Variants in CCT3 observed in about 807,000 individuals in gnomAD.
The protein encoded by CCT3 is chaperonin containing TCP1 subunit 3.
CCT3 carries 10 observed loss-of-function variants against 65.3 expected under a neutral mutation model. The ratio of observed to expected loss-of-function variants is 0.15; its 90% confidence interval spans 0.09 to 0.26. The LOEUF (loss-of-function observed/expected upper bound fraction) is 0.26. Ranked by LOEUF, CCT3 falls within the 10% of genes least tolerant of loss-of-function variation. The pLI is 1.00. For synonymous variants in CCT3, 225 were observed against 242.3 expected (o/e 0.93, Z 0.66); for missense variants, 626 against 708.7 (o/e 0.88, Z 1.33).
chr1:156,330,414 C>G (rs1436220230), intron 5 of CCT3, among the ~76,000 whole-genome samples: 7 of 152,182 alleles, frequency 4.6e-5, no homozygotes, highest in Non-Finnish European at 7.3e-5. Context: ...GTAATCCCAG[C>G]ACTTTGGGAG....
rs995096055 is a variant in CCT3, at chr1:156,310,861, G to T, written c.1401+89C>A. On this transcript the variant is annotated intron_variant, in intron 12 of 13. Coordinates refer to ENST00000295688, the MANE Select transcript of CCT3 (RefSeq NM_005998.5). ...GATTTCAAGGAATAGACTATAAAGAGAATTTGGATAGCCAGATAAGAATCT... is the reference window on the plus strand; with the variant it reads ...GATTTCAAGGAATAGACTATAAAGATAATTTGGATAGCCAGATAAGAATCT... 3.3e-6 allele frequency: 5 copies of T among 1,512,322 alleles called. No individual in the cohort carries two copies. In the African/African-American group the frequency reaches 5.6e-5, roughly 17 times the overall value. The allele number at this position is 1,512,322 out of a possible 1,614,324, so 93.7% of individuals were successfully genotyped here.
At chr1:156,321,344 G>C (rs551688866) in intron 6 of CCT3, among the ~76,000 whole-genome samples, 93 of 152,136 alleles carry the variant, frequency 6.1e-4, no homozygotes, top group Non-Finnish European at 8.7e-4. Context: ...TACAACTCAG[G>C]TCAAGACACA....
chr1:156,335,599 A>G (rs867556720), intron 2 of CCT3: 3 of 488,342 alleles, frequency 6.1e-6, no homozygotes, highest in Non-Finnish European at 7.2e-6. Flanking sequence ...AATACACAGC[A>G]ACAGAATAAT....
At position 156,338,226 on chromosome 1, in the gene CCT3, C is replaced by A. The variant is rs1279561322; in HGVS notation, c.-42G>T. 1 of 1,567,510 alleles carries A rather than the reference C, an allele frequency of 6.4e-7. No homozygotes were observed. Among genetic ancestry groups the A allele is most frequent in the South Asian group, 1.2e-5 (1 of 85,254 alleles). On this transcript the variant is annotated 5_prime_UTR_variant, in exon 1 of 14. Coordinates refer to ENST00000295688, the MANE Select transcript of CCT3 (RefSeq NM_005998.5). ...GCCGGGTACCCAGAGCTGGGGGAAC[C>A]GGCAGAACCTTCTGGAGAGAGAGAA...
chr1:156,311,904 G>T, intron 11 of CCT3, 137 bp downstream of exon 11: 1 of 504,138 alleles, frequency 2.0e-6, no homozygotes, highest in Non-Finnish European at 3.2e-6. Flanking sequence ...AAAAAAGGAA[G>T]CAGAAAAGGA....
At chr1:156,317,712 CTTT>C (rs1328262657) in intron 8 of CCT3, among the ~76,000 whole-genome samples, 165 bp from the exon 9 acceptor site, 3 of 141,832 alleles carry the variant, frequency 2.1e-5, no homozygotes, top group African/African-American at 2.6e-5. Context: ...TTTAGTTTTG[CTTT>C]TTTTTTTTTT....
At position 156,309,226 on chromosome 1, in the gene CCT3, G is replaced by A. The variant is rs752022511; in HGVS notation, c.1611C>T (p.Gly537=). 1.2e-5 allele frequency: 20 copies of A among 1,613,442 alleles called. No homozygotes were observed. Among genetic ancestry groups the A allele is most frequent in the East Asian group, 2.2e-5 (1 of 44,876 alleles). The part of the protein sequence containing the change: ...KKKGDDQSRQ[G]GAPDAGQE ...ACTCCTGGCCAGCATCAGGAGCCCC[G>A]CCTTGCCGGCTCTGGTCATCGCCTT... The change falls in exon 14 of 14, where the codon GGC becomes GGT. Residue 537 remains glycine (G), a synonymous_variant. Transcript: ENST00000295688.
In CCT3 at chr1:156,315,411, G is replaced by T. The variant is rs1018190247; in HGVS notation, c.974+1755C>A. Among the ~76,000 whole-genome samples the T allele has an allele frequency of 2.6e-5, 4 of 152,228 alleles. No individual in the cohort carries two copies. The East Asian group carries it at 7.7e-4, about 29-fold the overall frequency. On this transcript the variant is annotated intron_variant, in intron 10 of 13. Transcript: ENST00000295688. Reference sequence around the variant, plus strand: ...ATTATTAGAGATGGGGTTTCACCATGTTGGCCAGGCTGGTCTTGAACTCCT... The same window carrying T: ...ATTATTAGAGATGGGGTTTCACCATTTTGGCCAGGCTGGTCTTGAACTCCT...
At chr1:156,333,718 G>T in intron 4 of CCT3, 75 bp from the exon 5 acceptor site, 1 of 1,107,666 alleles carries the variant, frequency 9.0e-7, no homozygotes, top group Non-Finnish European at 1.4e-6. Flanking sequence ...CCTAACTCTT[G>T]GGCTTCTTGC....
chr1:156,322,990 T>C (rs1487325130), intron 6 of CCT3, among the ~76,000 whole-genome samples: 1 of 151,374 alleles, frequency 6.6e-6, no homozygotes, highest in Admixed American at 6.6e-5. Flanking sequence ...GACAAAGATA[T>C]TAATGTACAA....
At chr1:156,324,865 G>T in intron 6 of CCT3, 107 bp downstream of exon 6, 1 of 700,820 alleles carries the variant, frequency 1.4e-6, no homozygotes, top group Non-Finnish European at 2.6e-6. Context: ...CTGACCTCAA[G>T]ATCCACCCGC....
intron 10 of CCT3, among the ~76,000 whole-genome samples, chr1:156,315,279 G>A (rs1188633785): frequency 2.0e-5 from 3 of 152,178 alleles, no homozygotes; most frequent in Non-Finnish European, 2.9e-5. Context: ...CACCATCTCA[G>A]CTTACTGCAA....
chr1:156,312,626 C>A (rs996773431), intron 10 of CCT3, among the ~76,000 whole-genome samples: 1 of 151,664 alleles, frequency 6.6e-6, no homozygotes, highest in Non-Finnish European at 1.5e-5. Flanking sequence ...CCACTGCACT[C>A]CAGCCTAGAT....
At chr1:156,329,911 C>A (rs558627899) in intron 5 of CCT3, among the ~76,000 whole-genome samples, 5 of 151,662 alleles carry the variant, frequency 3.3e-5, no homozygotes, top group African/African-American at 1.2e-4. Flanking sequence ...TGCACTCCAG[C>A]CTGGGCGACA....
intron 5 of CCT3, among the ~76,000 whole-genome samples, chr1:156,328,930 G>A (rs529762364): frequency 3.1e-4 from 47 of 152,028 alleles, no homozygotes; most frequent in South Asian, 6.2e-4. Context: ...AATATATTTT[G>A]TTTCAATTCC....
chr1:156,321,577 T>TA (rs1664555279), intron 6 of CCT3, among the ~76,000 whole-genome samples: 3 of 152,226 alleles, frequency 2.0e-5, no homozygotes, highest in Non-Finnish European at 4.4e-5. Flanking sequence ...CACATAATGC[T>TA]AAAATCTCTT....
intron 7 of CCT3, among the ~76,000 whole-genome samples, chr1:156,319,436 G>C (rs2101644052): frequency 6.6e-6 from 1 of 152,200 alleles, no homozygotes; most frequent in South Asian, 2.1e-4. Flanking sequence ...GGTTTCTAAA[G>C]TACCTTTCTT....
chr1:156,327,526 C>T (rs958197971), intron 5 of CCT3, among the ~76,000 whole-genome samples: 3 of 152,298 alleles, frequency 2.0e-5, no homozygotes, highest in African/African-American at 4.8e-5. Context: ...CTCCTAACCG[C>T]GAGTGATCCG....
At chr1:156,317,107 G>A (rs549054791) in intron 10 of CCT3, 59 bp downstream of exon 10, 85 of 1,376,180 alleles carry the variant, frequency 6.2e-5, no homozygotes, top group Non-Finnish European at 7.5e-5. Context: ...TGACTGTTAC[G>A]CAACTACAAA....
Sources: gnomAD v4.1 joint callset for allele counts (sites outside exome capture counted in the v4.1 genomes callset) on GRCh38, gnomAD v4.1.1 for gene constraint, MANE v1.5 for transcripts, NCBI Gene and HGNC (gene_info 2026-07-23, HGNC 2026-07-21) for gene names.